The following EXOC3L1 variants were observed in gnomAD, a reference collection of about 807,000 sequenced individuals.
EXOC3L1 encodes the protein exocyst complex component 3 like 1, also known as exocyst complex component 3-like protein.
In EXOC3L1, 79 loss-of-function variants were observed where a neutral mutation model predicts 83.6. The ratio of observed to expected loss-of-function variants is 0.95; its 90% CI spans 0.79 to 1.14. The LOEUF (loss-of-function observed/expected upper bound fraction) is 1.14. Ranked by LOEUF, EXOC3L1 falls within the 50% of genes most tolerant of loss-of-function variation. EXOC3L1 has a pLI of 0.00. For synonymous variants in EXOC3L1, 433 were observed against 451.2 expected, an observed-to-expected ratio of 0.96 and a Z score of 0.51; for missense variants, 945 against 972.0, an observed-to-expected ratio of 0.97 and a Z score of 0.37.
Position 67,186,562 on chromosome 16 carries a change from C to G in EXOC3L1, c.1380G>C (p.Leu460Phe), listed in dbSNP as rs1309868899. ...GGGTCAGTGCCTCAGCAAACCTCCT[C>G]AAGAATGTGCCCAGTTCTGACAGTG... ...GMALSELGTF[L>F]RSFSDALIRF... is the part of the protein sequence containing the mutation. The change falls in exon 8 of 14, where the codon TTG (leucine) becomes TTC (phenylalanine). Residue 460 changes from leucine to phenylalanine, a missense_variant. Leu to Phe is a conservative substitution (Grantham distance 22). Coordinates refer to ENST00000314586, the MANE Select transcript of EXOC3L1 (RefSeq NM_178516.4). 2.5e-6 allele frequency: 4 copies of G among 1,613,736 alleles called. No homozygotes were observed. Among genetic ancestry groups the G allele is most frequent in the Non-Finnish European group, 3.4e-6 (4 of 1,179,882 alleles).
At chr16:67,186,451 T>C (rs1388523368) in intron 8 of EXOC3L1, 104 bp from the exon 9 acceptor site, 4 of 1,433,968 alleles carry the variant, frequency 2.8e-6, no homozygotes, top group South Asian at 1.2e-5. Context: ...CAAGTCCTTG[T>C]TTGAAAGAGC....
Position 67,188,888 on chromosome 16 carries a change from G to C in EXOC3L1, c.260C>G (p.Ala87Gly). 1 of 1,613,004 alleles carries C rather than the reference G, an allele frequency of 6.2e-7. No homozygotes were observed. The highest frequency in any genetic ancestry group is 8.5e-7 in the Non-Finnish European group (1 of 1,179,962). Residue 87 changes from alanine to glycine, a missense_variant, in exon 4 of 14, where the codon GCC becomes GGC. By Grantham distance (60) the Ala-to-Gly change is moderately conservative. Coordinates refer to ENST00000314586, the MANE Select transcript of EXOC3L1 (RefSeq NM_178516.4). Reference protein sequence around the residue: ...EGVQTGVWQLAQAIEVVQGTR... With the variant: ...EGVQTGVWQLGQAIEVVQGTR... The stretch of plus-strand genomic sequence containing the variant: ...TCCCTGCACCACCTCAATGGCCTGG[G>C]CCAGCTGCCACACACCAGTCTGCAC...
At chr16:67,188,621 T>G in intron 4 of EXOC3L1, 100 bp downstream of exon 4, 1 of 1,162,066 alleles carries the variant, frequency 8.6e-7, no homozygotes. Flanking sequence ...GGTGTGCTGC[T>G]CTATGCAGTT....
chr16:67,184,853 AC>A, intron 12 of EXOC3L1, 43 bp from the exon 13 acceptor site: 2 of 1,606,632 alleles, frequency 1.2e-6, no homozygotes, highest in South Asian at 2.2e-5. Flanking sequence ...CCTCTCTCCC[AC>A]CCAGCCACTG....
rs796849742 is a variant in EXOC3L1, at chr16:67,188,587, C to T, written c.427+134G>A. On this transcript the variant is annotated intron_variant, in intron 4 of 13. Transcript: ENST00000314586. ...GCTGCCTCATAGGCCATGGGAAGCC[C>T]GGGCTACTGTCTGGGAGGTCCCTGG... 61 of 831,862 alleles carry T rather than the reference C, an allele frequency of 7.3e-5. No individual in the cohort carries two copies. In the African/African-American group the frequency reaches 7.9e-4, roughly 11 times the overall value. 51.5% of individuals were successfully genotyped at this position (831,862 alleles called of 1,614,324 possible).
intron 2 of EXOC3L1, 129 bp downstream of exon 2, chr16:67,189,502 C>G (rs1779165870): frequency 3.5e-6 from 4 of 1,140,138 alleles, no homozygotes. Flanking sequence ...GTTTGGAGCT[C>G]CTGACCTCAG....
In EXOC3L1 at chr16:67,187,554, CA is replaced by C. The variant is rs772155957; in HGVS notation, c.710del (p.Leu237ArgfsTer13). ...GACGCCAGTCCCGGGGGACCTGGCC[CA>C]GGGGGGTTGTTCGTCCAGTCTCCAC... ...AEVETGRTTPLGQVPRDWRQR... is the reference protein window; with the variant it reads ...AEVETGRTTPXGQVPRDWRQR... On this transcript the variant is annotated frameshift_variant, in exon 5 of 14. Transcript: ENST00000314586. LOFTEE classifies it high-confidence loss of function. 6.2e-7 allele frequency: 1 copy of C among 1,603,520 alleles called. No individual in the cohort carries two copies. Among genetic ancestry groups the C allele is most frequent in the Non-Finnish European group, 8.5e-7 (1 of 1,178,580 alleles).
chr16:67,184,801 C>T lies in EXOC3L1; in HGVS notation c.1915G>A (p.Glu639Lys), dbSNP rs2032637662. Residue 639 changes from glutamate to lysine, a missense_variant, in exon 13 of 14, where the codon GAG becomes AAG. Transcript: ENST00000314586. Reference protein sequence around the residue: ...QQLFLSLGLEENAHCAPVLLA... With the variant: ...QQLFLSLGLEKNAHCAPVLLA... ...AGCACCGGCGCGCAGTGCGCGTTCTCCTCCAGGCCCTGAGCACGTCGGGGT... is the reference window on the plus strand; with the variant it reads ...AGCACCGGCGCGCAGTGCGCGTTCTTCTCCAGGCCCTGAGCACGTCGGGGT... 1.2e-6 allele frequency: 2 copies of T among 1,602,368 alleles called. No homozygotes were observed. Among genetic ancestry groups the T allele is most frequent in the Non-Finnish European group, 1.7e-6 (2 of 1,179,406 alleles).
chr16:67,187,315 C>T lies in EXOC3L1; in HGVS notation c.950G>A (p.Arg317His), dbSNP rs748277230. ...TGCAAGGAGGTTCTGCAGGCTGCGG[C>T]GCAAACCACTATGCAGCGTGTGGGC... ...LWAHTLHSGLRRSLQNLLAGP... is the reference protein window; with the variant it reads ...LWAHTLHSGLHRSLQNLLAGP... The change falls in exon 5 of 14, where the codon CGC becomes CAC. Residue 317 changes from arginine (R) to histidine (H), a missense_variant. Coordinates refer to ENST00000314586, the MANE Select transcript of EXOC3L1 (RefSeq NM_178516.4). 9.9e-5 allele frequency: 159 copies of T among 1,612,852 alleles called. No homozygotes were observed. The Admixed American group carries it at 2.3e-3, about 24-fold the overall frequency.
In EXOC3L1 at chr16:67,189,618, A is replaced by T. The variant is rs1275560125; in HGVS notation, c.46+13T>A. On this transcript the variant is annotated intron_variant, in intron 2 of 13. Coordinates refer to ENST00000314586, the MANE Select transcript of EXOC3L1 (RefSeq NM_178516.4). ...CCATCATTCCTCCCCTAGTCCACCC[A>T]AAAGGTTCATACCAGGGGACAACGC... The T allele has an allele frequency of 6.2e-7, 1 of 1,613,870 alleles. No individual in the cohort carries two copies. Among genetic ancestry groups the T allele is most frequent in the South Asian group, 1.1e-5 (1 of 91,068 alleles).
chr16:67,185,528 A>AAGGCCC, intron 9 of EXOC3L1, 38 bp from the exon 10 acceptor site: 3 of 1,590,410 alleles, frequency 1.9e-6, no homozygotes, highest in Non-Finnish European at 2.6e-6. Context: ...GACCAAGGCC[A>AAGGCCC]AGGCCCGCAT....
At position 67,186,749 on chromosome 16, in the gene EXOC3L1, TCC is replaced by T; in HGVS notation, c.1284+8_1284+9del. 6.2e-7 allele frequency: 1 copy of T among 1,613,816 alleles called. No individual in the cohort carries two copies. Among genetic ancestry groups the T allele is most frequent in the Non-Finnish European group, 8.5e-7 (1 of 1,179,998 alleles). ...GAGGCTGCCTGCCTGTCTGGCCACT[TCC>T]CACCTACCTGCAGCACAATGGCTGG... On this transcript the variant is annotated splice_region_variant and intron_variant, in intron 7 of 13. Transcript: ENST00000314586.
rs1169435773 is a variant in EXOC3L1 at position 67,187,788 on chromosome 16, G to C, written c.477C>G (p.Phe159Leu). The change falls in exon 5 of 14, where the codon TTC becomes TTG. Residue 159 changes from phenylalanine (F) to leucine (L), a missense_variant. Physicochemically the swap from Phe to Leu is conservative, Grantham distance 22. Transcript: ENST00000314586. Reference protein sequence around the residue: ...HTQTLIDGQQFLEAYVSLREL... With the variant: ...HTQTLIDGQQLLEAYVSLREL... The stretch of plus-strand genomic sequence containing the variant: ...CCCGAAGGCTCACATATGCCTCCAA[G>C]AACTGTTGGCCATCAATCAGAGTCT... 1.2e-6 allele frequency: 2 copies of C among 1,611,138 alleles called. No individual in the cohort carries two copies. The highest frequency in any genetic ancestry group is 1.7e-6 in the Non-Finnish European group (2 of 1,178,966).
In EXOC3L1 at chr16:67,185,010, G is replaced by C. The variant is rs2032650158; in HGVS notation, c.1797C>G (p.Ser599Arg). 1.2e-6 allele frequency: 2 copies of C among 1,609,616 alleles called. No homozygotes were observed. The highest frequency in any genetic ancestry group is 2.2e-5 in the South Asian group (2 of 90,814). Reference sequence around the variant, plus strand: ...ACACCAGGCGGCCTTGCATCAGCGCGCTCAGGTACTGGAGCACCACGGCAC... The same window carrying C: ...ACACCAGGCGGCCTTGCATCAGCGCCCTCAGGTACTGGAGCACCACGGCAC... ...AERAVVLQYLSALMQGRLVCR... is the reference protein window; with the variant it reads ...AERAVVLQYLRALMQGRLVCR... Residue 599 changes from serine (S) to arginine (R), a missense_variant, in exon 12 of 14, where the codon AGC becomes AGG. Ser to Arg is a moderately radical substitution (Grantham distance 110). Transcript: ENST00000314586.
chr16:67,188,070 C>T (rs1168854813), intron 4 of EXOC3L1, among the ~76,000 whole-genome samples: 2 of 152,104 alleles, frequency 1.3e-5, no homozygotes, highest in Non-Finnish European at 2.9e-5. Flanking sequence ...ATGGTGAAAT[C>T]CCATCTCTAC....
In EXOC3L1 at chr16:67,186,663, G is replaced by A. The variant is rs757291452; in HGVS notation, c.1285-6C>T. 2.5e-6 allele frequency: 4 copies of A among 1,614,032 alleles called. No homozygotes were observed. Among genetic ancestry groups the A allele is most frequent in the Non-Finnish European group, 3.4e-6 (4 of 1,179,970 alleles). ...CGAATGTTCTCTTCCAGGATCTGCA[G>A]GCAGAAATGAGCAGCCATCGGCAAA... On this transcript the variant is annotated splice_polypyrimidine_tract_variant and splice_region_variant and intron_variant, in intron 7 of 13. Coordinates refer to ENST00000314586, the MANE Select transcript of EXOC3L1 (RefSeq NM_178516.4).
rs141744902 is a variant in EXOC3L1 at position 67,187,540 on chromosome 16, C to T, written c.725G>A (p.Arg242Gln). The change falls in exon 5 of 14, where the codon CGG becomes CAG. Residue 242 changes from arginine (R) to glutamine (Q), a missense_variant. By Grantham distance (43) the Arg-to-Gln change is conservative. Transcript: ENST00000314586. The part of the protein sequence containing the change: ...GRTTPLGQVP[R>Q]DWRQRCLRAL... Reference sequence around the variant, plus strand: ...CCTCAGACAGCGCTGACGCCAGTCCCGGGGGACCTGGCCCAGGGGGGTTGT... The same window carrying T: ...CCTCAGACAGCGCTGACGCCAGTCCTGGGGGACCTGGCCCAGGGGGGTTGT... 313 of 1,602,244 alleles carry T rather than the reference C, an allele frequency of 2.0e-4. 2 individuals carry two copies. In the East Asian group the frequency reaches 6.5e-3, roughly 33 times the overall value.
chr16:67,189,491 G>T, intron 2 of EXOC3L1, 140 bp downstream of exon 2: 2 of 964,862 alleles, frequency 2.1e-6, no homozygotes, highest in Non-Finnish European at 3.2e-6. Context: ...TGGCCAGGTT[G>T]GTTTGGAGCT....
chr16:67,184,674 C>G lies in EXOC3L1; in HGVS notation c.2030+12G>C. 1 of 1,578,222 alleles carries G rather than the reference C, an allele frequency of 6.3e-7. No individual in the cohort carries two copies. Among genetic ancestry groups the G allele is most frequent in the Non-Finnish European group, 8.6e-7 (1 of 1,166,342 alleles). On this transcript the variant is annotated intron_variant, in intron 13 of 13. Coordinates refer to ENST00000314586, the MANE Select transcript of EXOC3L1 (RefSeq NM_178516.4). The stretch of plus-strand genomic sequence containing the variant: ...CTCCGGCTTCTCTTCCCTTCTGGCC[C>G]CCAGTCCGCACCTCACGTCGGGAAA...
Sources: gnomAD v4.1 joint callset for allele counts (sites outside exome capture counted in the v4.1 genomes callset) on GRCh38, gnomAD v4.1.1 for gene constraint, MANE v1.5 for transcripts, NCBI Gene and HGNC (gene_info 2026-07-23, HGNC 2026-07-21) for gene names.